The following KIF13A variants were observed in gnomAD, a reference collection of about 807,000 sequenced individuals.
The protein encoded by KIF13A is kinesin-like protein KIF13A.
KIF13A carries 79 observed loss-of-function variants against 212.2 expected under a neutral mutation model. The observed-to-expected ratio is 0.37, with a 90% CI of 0.31 to 0.45. The LOEUF is 0.45. Among genes scored for constraint, KIF13A ranks in the 20% least tolerant of loss-of-function variants. The pLI, the probability that KIF13A is intolerant of heterozygous loss-of-function variation, is 1.00. For synonymous variants in KIF13A, 789 were observed against 808.6 expected (o/e 0.98, Z 0.41); for missense variants, 1,901 against 2,209.0 (o/e 0.86, Z 2.79).
chr6:17,788,839 C>A (rs754287083), intron 26 of KIF13A, among the ~76,000 whole-genome samples: 6 of 152,174 alleles, frequency 3.9e-5, no homozygotes, highest in Non-Finnish European at 8.8e-5. Context: ...ATTCTCCTGC[C>A]TCAGCCTCCC....
At chr6:17,891,906 T>A (rs1390849904) in intron 3 of KIF13A, among the ~76,000 whole-genome samples, 3 of 152,188 alleles carry the variant, frequency 2.0e-5, no homozygotes, top group Non-Finnish European at 4.4e-5. Context: ...CAAAGCAGAG[T>A]GAGTCCCAAG....
intron 2 of KIF13A, among the ~76,000 whole-genome samples, chr6:17,970,937 A>T (rs760971190): frequency 1.3e-5 from 2 of 152,236 alleles, no homozygotes; most frequent in Non-Finnish European, 2.9e-5. Flanking sequence ...CCAAGGGAAA[A>T]GCTGCAGCTC....
chr6:17,873,528 G>T (rs1406156754), intron 3 of KIF13A, 91 bp from the exon 4 acceptor site: 2 of 854,906 alleles, frequency 2.3e-6, no homozygotes, highest in Non-Finnish European at 3.8e-6. Context: ...AAGATGAGAA[G>T]GATGGCCACT....
chr6:17,975,021 A>C (rs1387267429), intron 2 of KIF13A, among the ~76,000 whole-genome samples: 1 of 152,164 alleles, frequency 6.6e-6, no homozygotes, highest in Non-Finnish European at 1.5e-5. Flanking sequence ...AGCTACCAGC[A>C]TCAGCCATCA....
At chr6:17,844,522 C>T (rs1490509120) in intron 9 of KIF13A, among the ~76,000 whole-genome samples, 2 of 152,218 alleles carry the variant, frequency 1.3e-5, no homozygotes, top group South Asian at 2.1e-4. Context: ...GCTTTTAGCA[C>T]TGTGAATCTC....
At chr6:17,806,258 A>G (rs1044646404) in intron 18 of KIF13A, among the ~76,000 whole-genome samples, 5 of 152,284 alleles carry the variant, frequency 3.3e-5, no homozygotes, top group African/African-American at 1.2e-4. Flanking sequence ...TAATGGCAAC[A>G]CAGCAGTGTC....
At chr6:17,980,844 G>A (rs1225639844) in intron 2 of KIF13A, among the ~76,000 whole-genome samples, 1 of 152,136 alleles carries the variant, frequency 6.6e-6, no homozygotes, top group African/African-American at 2.4e-5. Context: ...TGGGAAAATA[G>A]GGAGCAGGTG....
intron 22 of KIF13A, among the ~76,000 whole-genome samples, chr6:17,797,425 C>T (rs1023430635): frequency 6.6e-6 from 1 of 152,208 alleles, no homozygotes; most frequent in Non-Finnish European, 1.5e-5. Context: ...CATCGTCTTA[C>T]ACTTGGTTCA....
chr6:17,974,509 C>G (rs1561824399), intron 2 of KIF13A, among the ~76,000 whole-genome samples: 1 of 152,200 alleles, frequency 6.6e-6, no homozygotes, highest in Non-Finnish European at 1.5e-5. Flanking sequence ...CCCCCAGACA[C>G]TGTGGAGCAA....
chr6:17,969,119 T>G (rs1400381108), intron 2 of KIF13A, among the ~76,000 whole-genome samples: 1 of 152,234 alleles, frequency 6.6e-6, no homozygotes, highest in Admixed American at 6.5e-5. Flanking sequence ...ATGTGCCAGC[T>G]GCTTCGAGAA....
Position 17,804,667 on chromosome 6 carries a change from G to A in KIF13A, c.2305-157C>T, listed in dbSNP as rs1013883031. 3.3e-5 allele frequency among the ~76,000 whole-genome samples: 5 copies of A among 151,702 alleles called. No homozygotes were observed. In the East Asian group the frequency reaches 9.7e-4, roughly 29 times the overall value. On this transcript the variant is annotated intron_variant, in intron 19 of 38. Transcript: ENST00000259711. ...TGTCACATAAATAAAAACTAAATTA[G>A]CTGGGCGTGGTGGCGCACGCCTGTG...
Position 17,828,520 on chromosome 6 carries a change from G to T in KIF13A, c.1402-150C>A. Reference sequence around the variant, plus strand: ...ATGTTAAATATCTTAAGCATTAAAAGTAAAACGCTTACCCTTAATACACCA... The same window carrying T: ...ATGTTAAATATCTTAAGCATTAAAATTAAAACGCTTACCCTTAATACACCA... On this transcript the variant is annotated intron_variant, in intron 13 of 38. Transcript: ENST00000259711. This position sits in a 1 kb window ranked among gnomAD's most constrained non-coding sequence, Gnocchi z 4.3. 1.6e-6 allele frequency: 1 copy of T among 607,408 alleles called. No individual in the cohort carries two copies. The highest frequency in any genetic ancestry group is 2.7e-6 in the Non-Finnish European group (1 of 374,930). The allele number at this position is 607,408 out of a possible 1,614,324, so 37.6% of individuals were successfully genotyped here.
At chr6:17,927,274 A>G (rs1364681243) in intron 2 of KIF13A, among the ~76,000 whole-genome samples, 2 of 152,272 alleles carry the variant, frequency 1.3e-5, no homozygotes, top group Non-Finnish European at 2.9e-5. Flanking sequence ...CCAAGTGTCC[A>G]TCAGTGGACA....
rs779028356 is a variant in KIF13A, at chr6:17,898,158, T to C, written c.159+10A>G. Reference sequence around the variant, plus strand: ...CCAGTATACATGCCAAATTTCATATTAGTGCTTACCTTGGGAGGTTTCCTT... The same window carrying C: ...CCAGTATACATGCCAAATTTCATATCAGTGCTTACCTTGGGAGGTTTCCTT... On this transcript the variant is annotated intron_variant, in intron 3 of 38. Transcript: ENST00000259711. The surrounding 1 kb of genome is among the most constrained non-coding windows in gnomAD (Gnocchi z 5.2). 7 of 1,612,836 alleles carry C rather than the reference T, an allele frequency of 4.3e-6. No homozygotes were observed. The highest frequency in any genetic ancestry group is 5.1e-6 in the Non-Finnish European group (6 of 1,179,266).
rs756245661 is a variant in KIF13A at position 17,963,798 on chromosome 6, G to T, written c.146+23256C>A. ...TTTCATACTCCTGACCTTGTGATCC[G>T]CCCACCTCAGCCTCCCAAAGTGTTG... is the stretch of plus-strand genomic sequence containing the variant. On this transcript the variant is annotated intron_variant, in intron 2 of 38. Coordinates refer to ENST00000259711, the MANE Select transcript of KIF13A (RefSeq NM_022113.6). This position sits in a 1 kb window ranked among gnomAD's most constrained non-coding sequence, Gnocchi z 4.1. Among the ~76,000 whole-genome samples, 3 of 152,092 alleles carry T rather than the reference G, an allele frequency of 2.0e-5. No individual in the cohort carries two copies. The highest frequency in any genetic ancestry group is 7.2e-5 in the African/African-American group (3 of 41,422).
chr6:17,878,352 T>C (rs1419952366), intron 3 of KIF13A, among the ~76,000 whole-genome samples: 2 of 152,240 alleles, frequency 1.3e-5, no homozygotes, highest in African/African-American at 4.8e-5. Context: ...TAATCATTTA[T>C]TCACTTCTTC....
chr6:17,764,351 G>C lies in KIF13A; in HGVS notation c.5177C>G (p.Thr1726Ser). ...AGAATGGTCTTCAAGGATGTTGGTGGTGTGTTCTACCGTCACCTCCCTGGG... is the reference window on the plus strand; with the variant it reads ...AGAATGGTCTTCAAGGATGTTGGTGCTGTGTTCTACCGTCACCTCCCTGGG... ...FCPREVTVEH[T>S]TNILEDHSFT... is the part of the protein sequence containing the mutation. Residue 1726 changes from threonine to serine, a missense_variant, in exon 39 of 39, where the codon ACC becomes AGC. Physicochemically the swap from Thr to Ser is moderately conservative, Grantham distance 58 (BLOSUM62 1). Coordinates refer to ENST00000259711, the MANE Select transcript of KIF13A (RefSeq NM_022113.6). This position sits in a 1 kb window ranked among gnomAD's most constrained non-coding sequence, Gnocchi z 5.1. The C allele has an allele frequency of 6.2e-7, 1 of 1,613,968 alleles. No individual in the cohort carries two copies. Among genetic ancestry groups the C allele is most frequent in the South Asian group, 1.1e-5 (1 of 91,078 alleles).
chr6:17,823,317 C>G (rs1388642072), intron 16 of KIF13A, among the ~76,000 whole-genome samples: 1 of 151,860 alleles, frequency 6.6e-6, no homozygotes, highest in Non-Finnish European at 1.5e-5. Context: ...CAGGCATTAG[C>G]CACCGTGCCT....
rs1779041996 is a variant in KIF13A, at chr6:17,963,606, G to A, written c.146+23448C>T. On this transcript the variant is annotated intron_variant, in intron 2 of 38. Transcript: ENST00000259711. This position sits in a 1 kb window ranked among gnomAD's most constrained non-coding sequence, Gnocchi z 4.1. ...AGAGTCTTGCTGTGTCGCCTAGGCT[G>A]GAGTGCTGCGCGTGATCGCAGCTTA... is the stretch of plus-strand genomic sequence containing the variant. Among the ~76,000 whole-genome samples the A allele has an allele frequency of 6.6e-6, 1 of 152,196 alleles. No homozygotes were observed. Among genetic ancestry groups the A allele is most frequent in the African/African-American group, 2.4e-5 (1 of 41,460 alleles).
Sources: allele counts gnomAD v4.1 joint callset (sites outside exome capture counted in the v4.1 genomes callset), GRCh38; gene constraint gnomAD v4.1.1; non-coding constraint Gnocchi (gnomAD v3.1); transcripts MANE v1.5; gene names NCBI Gene and HGNC (gene_info 2026-07-23, HGNC 2026-07-21).